GYPE: variants seen among roughly 807,000 people sequenced by gnomAD.
GYPE encodes the protein glycophorin E (MNS blood group), also known as glycophorin-E.
A neutral mutation model predicts 11.6 loss-of-function variants in GYPE; 8 were observed. The ratio of observed to expected loss-of-function variants is 0.69; its 90% CI spans 0.41 to 1.25. The LOEUF is 1.25. GYPE is among the 50% of genes most tolerant of loss of function. The pLI, the probability that GYPE is intolerant of heterozygous loss-of-function variation, is 0.01. For synonymous variants in GYPE, 28 were observed against 29.6 expected, an observed-to-expected ratio of 0.94 and a Z score of 0.18; for missense variants, 90 against 92.8, an observed-to-expected ratio of 0.97 and a Z score of 0.12.
intron 1 of GYPE, among the ~76,000 whole-genome samples, chr4:143,902,080 A>G (rs1170504893): frequency 6.6e-6 from 1 of 152,078 alleles, no homozygotes. Flanking sequence ...GGCACAAGAA[A>G]ACTGAGGCCC....
chr4:143,900,691 G>A (rs1161474777), intron 1 of GYPE, among the ~76,000 whole-genome samples: 1 of 151,972 alleles, frequency 6.6e-6, no homozygotes, highest in Admixed American at 6.6e-5. Context: ...CAATATGGAT[G>A]AACTTTAAAC....
At chr4:143,882,653 G>T (rs539620780) in intron 1 of GYPE, among the ~76,000 whole-genome samples, 3 of 152,274 alleles carry the variant, frequency 2.0e-5, no homozygotes, top group East Asian at 1.9e-4. Flanking sequence ...AACTGGAAAA[G>T]GCAGCTGGAG....
At chr4:143,900,949 A>G (rs1203146914) in intron 1 of GYPE, among the ~76,000 whole-genome samples, 2 of 152,188 alleles carry the variant, frequency 1.3e-5, no homozygotes, top group African/African-American at 2.4e-5. Flanking sequence ...TACCGATTGT[A>G]CACTTTAAAA....
At chr4:143,876,356 C>G (rs1428216219) in intron 3 of GYPE, among the ~76,000 whole-genome samples, 1 of 152,136 alleles carries the variant, frequency 6.6e-6, no homozygotes, top group African/African-American at 2.4e-5. Flanking sequence ...TCAAACAATC[C>G]TCCTGCCTTG....
chr4:143,903,613 A>C (rs1336388806), intron 1 of GYPE, among the ~76,000 whole-genome samples: 11 of 151,096 alleles, frequency 7.3e-5, no homozygotes, highest in Admixed American at 5.3e-4. Flanking sequence ...ACTTGATCTT[A>C]CACCTTTCTG....
chr4:143,875,568 C>G, intron 3 of GYPE: 1 of 1,549,900 alleles, frequency 6.5e-7, no homozygotes, highest in Non-Finnish European at 8.7e-7. Flanking sequence ...AGCTACGCCT[C>G]CACTTCAGCC....
chr4:143,894,320 A>G (rs192274824), intron 1 of GYPE, among the ~76,000 whole-genome samples: 1 of 152,260 alleles, frequency 6.6e-6, no homozygotes, highest in African/African-American at 2.4e-5. Flanking sequence ...CGTCAAAGTC[A>G]TTATCCGTCC....
intron 1 of GYPE, among the ~76,000 whole-genome samples, chr4:143,882,989 T>C (rs1005637486): frequency 6.6e-5 from 10 of 152,200 alleles, no homozygotes; most frequent in Admixed American, 6.5e-4. Context: ...GTGAGTGGTA[T>C]GGTTTGGATC....
At chr4:143,899,382 C>T (rs111620714) in intron 1 of GYPE, among the ~76,000 whole-genome samples, 1 of 152,122 alleles carries the variant, frequency 6.6e-6, no homozygotes, top group Non-Finnish European at 1.5e-5. Context: ...TTTGTTCCAT[C>T]ATTATACATG....
At chr4:143,881,670 A>C (rs890934266) in intron 1 of GYPE, among the ~76,000 whole-genome samples, 1 of 152,208 alleles carries the variant, frequency 6.6e-6, no homozygotes, top group Admixed American at 6.5e-5. Flanking sequence ...GTATTCCATT[A>C]TATGAATGTT....
intron 1 of GYPE, among the ~76,000 whole-genome samples, chr4:143,904,480 C>T (rs1203980445): frequency 1.4e-4 from 21 of 152,122 alleles, no homozygotes; most frequent in Non-Finnish European, 1.5e-5. Flanking sequence ...TAGATTTGAA[C>T]CCAGTTCTGT....
intron 3 of GYPE, among the ~76,000 whole-genome samples, chr4:143,874,294 C>G (rs1178336809): frequency 6.6e-6 from 1 of 152,016 alleles, no homozygotes; most frequent in Non-Finnish European, 1.5e-5. Context: ...TCTCCCCCAT[C>G]CCACAGCCCC....
intron 1 of GYPE, among the ~76,000 whole-genome samples, chr4:143,892,559 C>T (rs1363709825): frequency 1.1e-4 from 16 of 151,542 alleles, no homozygotes; most frequent in Admixed American, 9.9e-4. Flanking sequence ...GCCTTCATTT[C>T]GTTATGTACC....
chr4:143,881,553 T>C (rs984062863), intron 1 of GYPE, among the ~76,000 whole-genome samples: 5 of 152,224 alleles, frequency 3.3e-5, no homozygotes, highest in East Asian at 1.9e-4. Context: ...TTTAAATATA[T>C]ATGAATATGT....
chr4:143,881,196 A>C (rs1272179322), intron 1 of GYPE, among the ~76,000 whole-genome samples: 1 of 141,602 alleles, frequency 7.1e-6, no homozygotes, highest in Non-Finnish European at 1.6e-5. Flanking sequence ...GTCTCAAAAA[A>C]AAAAAAAACC....
At chr4:143,900,047 C>T (rs1424342454) in intron 1 of GYPE, among the ~76,000 whole-genome samples, 1 of 140,284 alleles carries the variant, frequency 7.1e-6, no homozygotes, top group East Asian at 2.1e-4. Flanking sequence ...AATAGTATAT[C>T]GGATAAGACT....
At chr4:143,899,121 T>G (rs1029931141) in intron 1 of GYPE, among the ~76,000 whole-genome samples, 3 of 147,872 alleles carry the variant, frequency 2.0e-5, no homozygotes, top group African/African-American at 7.5e-5. Context: ...TAGAGTTCCT[T>G]AGCTGCACCA....
At chr4:143,879,286 A>G (rs1260885073) in intron 2 of GYPE, among the ~76,000 whole-genome samples, 15 of 151,490 alleles carry the variant, frequency 9.9e-5, no homozygotes, top group East Asian at 5.8e-4. Context: ...GCCATTTTAC[A>G]TCATGAAGCT....
chr4:143,875,811 A>C (rs1743779029), intron 3 of GYPE, among the ~76,000 whole-genome samples: 1 of 151,844 alleles, frequency 6.6e-6, no homozygotes, highest in South Asian at 2.1e-4. Flanking sequence ...TCTGCTATTA[A>C]AAAAATACAA....
Sources: gnomAD v4.1 joint callset for allele counts (sites outside exome capture counted in the v4.1 genomes callset) on GRCh38, gnomAD v4.1.1 for gene constraint, MANE v1.5 for transcripts, NCBI Gene and HGNC (gene_info 2026-07-23, HGNC 2026-07-21) for gene names.